EIF3M: variants seen among roughly 807,000 people sequenced by gnomAD.
The protein encoded by EIF3M is B5 receptor.
A neutral mutation model predicts 49.7 loss-of-function variants in EIF3M; 25 were observed. The observed-to-expected ratio is 0.50, with a 90% CI of 0.37 to 0.70. The LOEUF (loss-of-function observed/expected upper bound fraction) is 0.70. EIF3M is among the 30% of genes least tolerant of loss of function. The probability of loss-of-function intolerance (pLI) is 0.00; values close to 1 mark genes in which losing one functional copy is unlikely to be tolerated. For missense variants in EIF3M, 350 were observed against 440.0 expected (o/e 0.80, Z 1.83); for synonymous variants, 156 against 149.8 (o/e 1.04, Z -0.30).
At position 32,601,830 on chromosome 11, in the gene EIF3M, A is replaced by G. The variant is rs1855272200; in HGVS notation, c.1004+8A>G. 3 of 1,612,010 alleles carry G rather than the reference A, an allele frequency of 1.9e-6. No individual in the cohort carries two copies. Among genetic ancestry groups the G allele is most frequent in the Non-Finnish European group, 2.5e-6 (3 of 1,178,662 alleles). ...GAGAAAAGTAGTTGTCAGGTAAGAT[A>G]TTTAATGCTTTGCAGCATTTTATAG... is the stretch of plus-strand genomic sequence containing the variant. On this transcript the variant is annotated splice_region_variant and intron_variant, in intron 10 of 10. Coordinates refer to ENST00000531120, the MANE Select transcript of EIF3M (RefSeq NM_006360.6).
At chr11:32,600,621 T>C in intron 8 of EIF3M, 68 bp from the exon 9 acceptor site, 1 of 1,394,038 alleles carries the variant, frequency 7.2e-7, no homozygotes, top group South Asian at 1.8e-5. Context: ...CAGCTTAACA[T>C]GAGATGTAAT....
chr11:32,595,531 G>A (rs1336923929), intron 7 of EIF3M, among the ~76,000 whole-genome samples: 1 of 152,076 alleles, frequency 6.6e-6, no homozygotes, highest in Admixed American at 6.6e-5. Context: ...CACTGTGCCC[G>A]GCTACCTCCC....
chr11:32,586,977 C>G, intron 1 of EIF3M, 35 bp from the exon 2 acceptor site: 1 of 1,536,890 alleles, frequency 6.5e-7, no homozygotes, highest in Non-Finnish European at 8.8e-7. Flanking sequence ...CTTTGTCATT[C>G]GTAGTCAGTT....
intron 1 of EIF3M, among the ~76,000 whole-genome samples, chr11:32,585,099 C>G (rs556552387): frequency 2.6e-5 from 4 of 152,112 alleles, no homozygotes; most frequent in Admixed American, 6.5e-5. Flanking sequence ...TCTCCTCCCC[C>G]CGCCCCATGG....
chr11:32,596,290 G>A (rs190291540), intron 8 of EIF3M, among the ~76,000 whole-genome samples: 1 of 152,190 alleles, frequency 6.6e-6, no homozygotes, highest in Non-Finnish European at 1.5e-5. Flanking sequence ...GAATGAAACT[G>A]GGAGTATGAA....
chr11:32,592,199 C>G, intron 5 of EIF3M: 1 of 368,636 alleles, frequency 2.7e-6, no homozygotes, highest in Non-Finnish European at 5.2e-6. Context: ...CTCCACAACC[C>G]ATAAAGTTGC....
intron 8 of EIF3M, among the ~76,000 whole-genome samples, chr11:32,598,169 A>T (rs1486948459): frequency 6.6e-6 from 1 of 152,168 alleles, no homozygotes. Context: ...AGGAGTAGTA[A>T]TTAACACTTT....
chr11:32,589,683 T>C (rs749512445), intron 5 of EIF3M, 42 bp downstream of exon 5: 1 of 1,562,642 alleles, frequency 6.4e-7, no homozygotes. Context: ...TAACAGACAG[T>C]ATAAGTAGGT....
In EIF3M at chr11:32,595,991, A is replaced by C. The variant is rs1299888700; in HGVS notation, c.743A>C (p.Lys248Thr). The C allele has an allele frequency of 3.8e-6, 6 of 1,572,032 alleles. No homozygotes were observed. The highest frequency in any genetic ancestry group is 4.3e-6 in the Non-Finnish European group (5 of 1,167,382). ...HDLLTIFVSA[K>T]LASYVKFYQN... ...CTTTTAACCATTTTTGTGAGTGCTA[A>C]ATTGGCATCATATGTCAAGTTTTAT... The change falls in exon 8 of 11, where the codon AAA becomes ACA. Residue 248 changes from lysine (K) to threonine (T), a missense_variant. Physicochemically the swap from Lys to Thr is moderately conservative, Grantham distance 78. Coordinates refer to ENST00000531120, the MANE Select transcript of EIF3M (RefSeq NM_006360.6).
chr11:32,601,625 A>G, intron 9 of EIF3M, 137 bp from the exon 10 acceptor site: 1 of 717,480 alleles, frequency 1.4e-6, no homozygotes, highest in East Asian at 2.8e-5. Flanking sequence ...TGTTTTGCTT[A>G]TTAGATTTAA....
chr11:32,588,810 G>T (rs1162423478), intron 3 of EIF3M, 78 bp downstream of exon 3: 2 of 1,587,226 alleles, frequency 1.3e-6, no homozygotes, highest in Non-Finnish European at 1.7e-6. Context: ...TGCAGAGCAG[G>T]AATTCTGGAA....
In EIF3M at chr11:32,588,479, A is replaced by C. The variant is rs556117484; in HGVS notation, c.176-115A>C. 5.7e-6 allele frequency: 7 copies of C among 1,236,186 alleles called. No homozygotes were observed. The African/African-American group carries it at 1.1e-4, about 19-fold the overall frequency. The allele number at this position is 1,236,186 out of a possible 1,614,324, so 76.6% of individuals were successfully genotyped here. Reference sequence around the variant, plus strand: ...ATATACAAGTTGCTTTCTGAATGCGAAAGTGTCTTACATTTGATGGTCTTC... The same window carrying C: ...ATATACAAGTTGCTTTCTGAATGCGCAAGTGTCTTACATTTGATGGTCTTC... On this transcript the variant is annotated intron_variant, in intron 2 of 10. Transcript: ENST00000531120.
At chr11:32,601,370 A>C (rs1311332268) in intron 9 of EIF3M, 1 of 158,862 alleles carries the variant, frequency 6.3e-6, no homozygotes, top group African/African-American at 2.4e-5. Context: ...AATTAAGATT[A>C]ATAAAAGGTA....
intron 5 of EIF3M, among the ~76,000 whole-genome samples, chr11:32,593,473 T>C (rs2133198849): frequency 1.3e-5 from 2 of 152,334 alleles, no homozygotes; most frequent in East Asian, 1.9e-4. Context: ...TTCCCTCTGC[T>C]TGGAAAGTCA....
intron 5 of EIF3M, chr11:32,592,660 T>A (rs1327891063): frequency 2.0e-6 from 1 of 504,756 alleles, no homozygotes; most frequent in Non-Finnish European, 3.9e-6. Flanking sequence ...CCTGTGAGTG[T>A]GCTCCATTTC....
chr11:32,588,614 A>G lies in EIF3M; in HGVS notation c.196A>G (p.Ser66Gly), dbSNP rs373074345. 4.0e-5 allele frequency: 65 copies of G among 1,613,966 alleles called. No homozygotes were observed. The highest frequency in any genetic ancestry group is 1.6e-4 in the Middle Eastern group (1 of 6,084). ...TGTAGATGTTGAAAGTGTGATGAACAGTGTGGTATCCCTACTCTTGATCCT... is the reference window on the plus strand; with the variant it reads ...TGTAGATGTTGAAAGTGTGATGAACGGTGTGGTATCCCTACTCTTGATCCT... ...DDKDVESVMN[S>G]VVSLLLILEP... The change falls in exon 3 of 11, where the codon AGT becomes GGT. Residue 66 changes from serine to glycine, a missense_variant. Ser to Gly is a moderately conservative substitution (Grantham distance 56). Transcript: ENST00000531120.
rs1565052868 is a variant in EIF3M at position 32,603,134 on chromosome 11, T to A, written c.*735T>A. 2.6e-6 allele frequency: 2 copies of A among 761,284 alleles called. No individual in the cohort carries two copies. The highest frequency in any genetic ancestry group is 4.2e-6 in the Non-Finnish European group (2 of 472,322). The allele number at this position is 761,284 out of a possible 1,614,324, so 47.2% of individuals were successfully genotyped here. ...GTAAAACCACCATCTCTTGGCTGATTTCCACTACCTTAGTAGTTCTGGCAC... is the reference window on the plus strand; with the variant it reads ...GTAAAACCACCATCTCTTGGCTGATATCCACTACCTTAGTAGTTCTGGCAC... On this transcript the variant is annotated 3_prime_UTR_variant, in exon 11 of 11. Coordinates refer to ENST00000531120, the MANE Select transcript of EIF3M (RefSeq NM_006360.6).
At position 32,600,396 on chromosome 11, in the gene EIF3M, A is replaced by G. The variant is rs144239376; in HGVS notation, c.800-293A>G. 3.0e-3 allele frequency among the ~76,000 whole-genome samples: 461 copies of G among 152,042 alleles called. 5 individuals carry two copies. Among genetic ancestry groups the G allele is most frequent in the African/African-American group, 0.011 (448 of 41,558 alleles). ...TCCTAAAATGTATAACTATTTAAAA[A>G]TGTAAAATGTGCAAAACTTTTAGGG... On this transcript the variant is annotated intron_variant, in intron 8 of 10. Coordinates refer to ENST00000531120, the MANE Select transcript of EIF3M (RefSeq NM_006360.6).
Position 32,602,506 on chromosome 11 carries a change from T to C in EIF3M, c.*107T>C. 1.5e-6 allele frequency: 2 copies of C among 1,329,850 alleles called. No individual in the cohort carries two copies. Among genetic ancestry groups the C allele is most frequent in the Non-Finnish European group, 2.0e-6 (2 of 992,864 alleles). 82.4% of individuals were successfully genotyped at this position (1,329,850 alleles called of 1,614,324 possible). On this transcript the variant is annotated 3_prime_UTR_variant, in exon 11 of 11. Coordinates refer to ENST00000531120, the MANE Select transcript of EIF3M (RefSeq NM_006360.6). ...AGTCTGGACAGTTATTGTCTCAAAT[T>C]TATACTAAAATCACAAACTCCAGAG...
Sources: allele counts gnomAD v4.1 joint callset (sites outside exome capture counted in the v4.1 genomes callset), GRCh38; gene constraint gnomAD v4.1.1; transcripts MANE v1.5; gene names NCBI Gene and HGNC (gene_info 2026-07-23, HGNC 2026-07-21).